CAST: variants seen among roughly 807,000 people sequenced by gnomAD.
CAST encodes the protein calpastatin.
CAST carries 76 observed loss-of-function variants against 119.6 expected under a neutral mutation model. That is an observed-to-expected ratio of 0.64 (90% confidence interval 0.53 to 0.77). The LOEUF (loss-of-function observed/expected upper bound fraction) is 0.77, where lower values mean the gene tolerates loss of function less well. Among genes scored for constraint, CAST ranks in the 30% least tolerant of loss-of-function variants. The pLI, the probability that CAST is intolerant of heterozygous loss-of-function variation, is 0.00. For missense variants in CAST, 953 were observed against 946.5 expected, an observed-to-expected ratio of 1.01 and a Z score of -0.09; for synonymous variants, 319 against 331.6, an observed-to-expected ratio of 0.96 and a Z score of 0.41.
the CAST span, among the ~76,000 whole-genome samples, chr5:96,370,831 C>T: frequency 3.9e-5 from 6 of 152,204 alleles, no homozygotes; most frequent in East Asian, 3.9e-4. Flanking sequence ...CTATTTTGCC[C>T]GTAGAGAAAC....
chr5:96,107,308 C>T, the CAST span, among the ~76,000 whole-genome samples: 1 of 151,986 alleles, frequency 6.6e-6, no homozygotes, highest in Non-Finnish European at 1.5e-5. Flanking sequence ...GATGCAGTTT[C>T]TTCCTAGTCT....
the CAST span, among the ~76,000 whole-genome samples, chr5:96,420,496 C>A: frequency 6.6e-6 from 1 of 152,156 alleles, no homozygotes; most frequent in Non-Finnish European, 1.5e-5. Context: ...CGGTTAACCC[C>A]TTTAGTCACC....
chr5:96,326,197 T>C, the CAST span, among the ~76,000 whole-genome samples: 1 of 152,222 alleles, frequency 6.6e-6, no homozygotes, highest in Admixed American at 6.5e-5. Flanking sequence ...CCATTTCTTC[T>C]GGTGCTGCTG....
chr5:96,292,792 T>A, the CAST span, among the ~76,000 whole-genome samples: 2 of 152,016 alleles, frequency 1.3e-5, no homozygotes, highest in South Asian at 4.1e-4. Context: ...AGAATTAGAG[T>A]CAACACAGAG....
intron 1 of CAST, among the ~76,000 whole-genome samples, chr5:96,618,559 A>G (rs986332369): frequency 6.6e-6 from 1 of 152,212 alleles, no homozygotes; most frequent in Non-Finnish European, 1.5e-5. Flanking sequence ...CTCGCGAGCT[A>G]GCGCAAGTTC....
chr5:96,266,939 C>T, the CAST span, among the ~76,000 whole-genome samples: 1 of 152,118 alleles, frequency 6.6e-6, no homozygotes, highest in Non-Finnish European at 1.5e-5. Flanking sequence ...AAAATCAATT[C>T]AGAATTTTTT....
intron 1 of CAST, among the ~76,000 whole-genome samples, chr5:96,607,274 C>T (rs996970631): frequency 2.6e-5 from 4 of 152,074 alleles, no homozygotes; most frequent in Admixed American, 6.5e-5. Context: ...GGCGACAGAG[C>T]GGGACTCCGT....
chr5:96,290,581 C>T, the CAST span, among the ~76,000 whole-genome samples: 1 of 152,134 alleles, frequency 6.6e-6, no homozygotes, highest in Non-Finnish European at 1.5e-5. Context: ...GCATCTGATG[C>T]CCTGTCTTTG....
intron 25 of CAST, among the ~76,000 whole-genome samples, chr5:96,763,539 C>A (rs1225248841): frequency 1.3e-5 from 2 of 152,226 alleles, no homozygotes; most frequent in East Asian, 3.9e-4. Context: ...AACTTTTTTG[C>A]CTTTAAGAAG....
chr5:95,980,107 G>C, the CAST span, among the ~76,000 whole-genome samples: 6 of 152,128 alleles, frequency 3.9e-5, no homozygotes, highest in East Asian at 1.2e-3. Flanking sequence ...AATAGAGTGA[G>C]ACTCCATCTC....
chr5:96,528,673 A>G (rs1374204147), upstream of CAST, among the ~76,000 whole-genome samples: 1 of 152,238 alleles, frequency 6.6e-6, no homozygotes, highest in Non-Finnish European at 1.5e-5. Flanking sequence ...ATAGGGTATT[A>G]TGATAATTTC....
At chr5:96,702,565 G>C (rs949602292) in intron 3 of CAST, among the ~76,000 whole-genome samples, 62 of 152,210 alleles carry the variant, frequency 4.1e-4, no homozygotes, top group Non-Finnish European at 5.9e-5. Flanking sequence ...TAGTCACAGG[G>C]TGACAGCCGA....
the CAST span, among the ~76,000 whole-genome samples, chr5:96,434,640 T>TA: frequency 1.4e-5 from 2 of 146,144 alleles, no homozygotes; most frequent in East Asian, 4.1e-4. Flanking sequence ...TGTTGTTTTT[T>TA]AAAGCTCAAC....
At chr5:96,065,185 T>C in the CAST span, among the ~76,000 whole-genome samples, 1 of 151,936 alleles carries the variant, frequency 6.6e-6, no homozygotes, top group Non-Finnish European at 1.5e-5. Context: ...TATAAGTCTT[T>C]GGCTTTTTTT....
At chr5:96,560,812 G>A (rs1286081912) in intron 1 of CAST, among the ~76,000 whole-genome samples, 1 of 152,106 alleles carries the variant, frequency 6.6e-6, no homozygotes, top group African/African-American at 2.4e-5. Flanking sequence ...CAGGGATCTG[G>A]AACTAGAAAT....
chr5:96,380,394 G>A, the CAST span, among the ~76,000 whole-genome samples: 107 of 152,218 alleles, frequency 7.0e-4, no homozygotes, highest in East Asian at 0.02. Flanking sequence ...TTTATATAAA[G>A]CACTTTACTG....
the CAST span, among the ~76,000 whole-genome samples, chr5:96,340,563 G>A: frequency 6.6e-6 from 1 of 152,180 alleles, no homozygotes; most frequent in Admixed American, 6.6e-5. Flanking sequence ...TATTCGTGAT[G>A]TGTTTGTTCA....
chr5:96,219,377 C>T, the CAST span, among the ~76,000 whole-genome samples: 3 of 152,274 alleles, frequency 2.0e-5, no homozygotes, highest in East Asian at 1.9e-4. Flanking sequence ...CTCATAGCCC[C>T]AAAGTGGCTG....
At chr5:96,463,038 A>C in the CAST span, among the ~76,000 whole-genome samples, 1 of 152,114 alleles carries the variant, frequency 6.6e-6, no homozygotes, top group Admixed American at 6.6e-5. Context: ...TTATAGCAGC[A>C]TGAAAATGGA....
Sources: allele counts gnomAD v4.1 joint callset (sites outside exome capture counted in the v4.1 genomes callset), GRCh38; gene constraint gnomAD v4.1.1; transcripts MANE v1.5; gene names NCBI Gene and HGNC (gene_info 2026-07-23, HGNC 2026-07-21).